COL28A1: variants seen among roughly 807,000 people sequenced by gnomAD.
COL28A1 encodes collagen alpha-1(XXVIII) chain.
A neutral mutation model predicts 150.2 loss-of-function variants in COL28A1; 161 were observed. The observed-to-expected ratio is 1.07, with a 90% CI of 0.94 to 1.22. COL28A1 has a LOEUF of 1.22. COL28A1 is among the 50% of genes most tolerant of loss of function. The probability of loss-of-function intolerance (pLI) is 0.00; values close to 1 mark genes in which losing one functional copy is unlikely to be tolerated. For missense variants in COL28A1, 1,617 were observed against 1,388.3 expected (o/e 1.16, Z -2.62); for synonymous variants, 552 against 469.7 (o/e 1.18, Z -2.26).
chr7:7,528,495 T>C (rs1782155029), intron 3 of COL28A1, among the ~76,000 whole-genome samples: 1 of 152,206 alleles, frequency 6.6e-6, no homozygotes, highest in African/African-American at 2.4e-5. Context: ...TTGTCTTTGC[T>C]CCTGAAGAAT....
intron 13 of COL28A1, 58 bp downstream of exon 13, chr7:7,489,331 A>G (rs898430202): frequency 1.2e-6 from 1 of 863,054 alleles, no homozygotes; most frequent in Non-Finnish European, 2.0e-6. Context: ...CTAAACAGAA[A>G]GAACAAGTAA....
intron 18 of COL28A1, among the ~76,000 whole-genome samples, chr7:7,446,819 T>C (rs1432876902): frequency 1.3e-5 from 2 of 152,146 alleles, no homozygotes; most frequent in Non-Finnish European, 2.9e-5. Flanking sequence ...GAGACAAACA[T>C]GCATCTGGGT....
intron 8 of COL28A1, chr7:7,511,607 A>G: frequency 3.1e-6 from 1 of 321,890 alleles, no homozygotes; most frequent in Non-Finnish European, 6.4e-6. Context: ...TTAACTTGGA[A>G]TTCCTATTTT....
At chr7:7,521,838 T>C in intron 5 of COL28A1, 67 bp downstream of exon 5, 1 of 839,764 alleles carries the variant, frequency 1.2e-6, no homozygotes, top group Admixed American at 1.7e-5. Context: ...CCCGATGTTT[T>C]CAAGAGCGAG....
At chr7:7,344,306 A>AT in the COL28A1 span, among the ~76,000 whole-genome samples, 4 of 151,046 alleles carry the variant, frequency 2.6e-5, no homozygotes, top group East Asian at 2.0e-4. Context: ...GTTTTTGTTC[A>AT]TTTTTTTTCT....
intron 19 of COL28A1, among the ~76,000 whole-genome samples, chr7:7,443,986 G>GTTTTTTTTTTTTTTT (rs71010980): frequency 1.6e-4 from 15 of 95,546 alleles, no homozygotes; most frequent in Middle Eastern, 6.8e-3. Flanking sequence ...TCCATCTGCT[G>GTTTTTTTTTTTTTTT]TTTTTTTTTT....
chr7:7,529,721 T>C (rs1301550583), intron 3 of COL28A1, among the ~76,000 whole-genome samples: 1 of 152,194 alleles, frequency 6.6e-6, no homozygotes, highest in Non-Finnish European at 1.5e-5. Context: ...TCAGCTCTTA[T>C]CCATCTTAAG....
At chr7:7,477,808 C>A (rs1789038685) in intron 13 of COL28A1, among the ~76,000 whole-genome samples, 1 of 152,262 alleles carries the variant, frequency 6.6e-6, no homozygotes, top group East Asian at 1.9e-4. Flanking sequence ...CTGGCTAGGG[C>A]AGCCTGCTTT....
the COL28A1 span, among the ~76,000 whole-genome samples, chr7:7,349,326 C>G: frequency 1.3e-5 from 2 of 152,056 alleles, no homozygotes; most frequent in Non-Finnish European, 2.9e-5. Flanking sequence ...TGAGGTTTTC[C>G]AGTCTGGCTG....
downstream of COL28A1, among the ~76,000 whole-genome samples, chr7:7,352,699 T>C (rs1439369909): frequency 6.6e-6 from 1 of 152,222 alleles, no homozygotes; most frequent in Non-Finnish European, 1.5e-5. Flanking sequence ...GACACTTTGA[T>C]TTTAGCCCAG....
In COL28A1 at chr7:7,532,748, T is replaced by TA. The variant is rs974111856; in HGVS notation, c.124+3_124+4insT. 3 of 1,590,554 alleles carry TA rather than the reference T, an allele frequency of 1.9e-6. No homozygotes were observed. The highest frequency in any genetic ancestry group is 2.6e-6 in the Non-Finnish European group (3 of 1,174,260). On this transcript the variant is annotated splice_donor_region_variant and intron_variant, in intron 2 of 34. Transcript: ENST00000399429. ...TTAAAAACAAACAATTTTTTTTTTT[T>TA]TACCCTGGACATCACTTTTCCTTGC...
At chr7:7,381,138 C>T (rs888890702) in intron 28 of COL28A1, among the ~76,000 whole-genome samples, 2 of 152,140 alleles carry the variant, frequency 1.3e-5, no homozygotes, top group African/African-American at 4.8e-5. Context: ...ACAATTATTA[C>T]ACAATTTACC....
At chr7:7,454,118 GTTGT>G (rs1786944385) in intron 16 of COL28A1, among the ~76,000 whole-genome samples, 1 of 152,242 alleles carries the variant, frequency 6.6e-6, no homozygotes, top group Admixed American at 6.5e-5. Flanking sequence ...TGTATATGTG[GTTGT>G]TTATTTTTCA....
chr7:7,489,558 TA>T, intron 12 of COL28A1, 101 bp from the exon 13 acceptor site: 1 of 750,308 alleles, frequency 1.3e-6, no homozygotes, highest in Non-Finnish European at 2.3e-6. Flanking sequence ...AATAGCGAAA[TA>T]GACAAAATGT....
rs1015393794 is a variant in COL28A1 at position 7,462,871 on chromosome 7, AAAAAGAAAAAAG to A, written c.1303-6771_1303-6760del. ...AGCAAAACTCCATCTCAAAAAAAAA[AAAAAGAAAAAAG>A]AAAGAAATGCAAAATGCTCTGGAAG... On this transcript the variant is annotated intron_variant, in intron 15 of 34. Coordinates refer to ENST00000399429, the MANE Select transcript of COL28A1 (RefSeq NM_001037763.3). Among the ~76,000 whole-genome samples, 140 of 150,910 alleles carry A rather than the reference AAAAAGAAAAAAG, an allele frequency of 9.3e-4. 2 individuals are homozygous for A. In the East Asian group the frequency reaches 0.022, roughly 23 times the overall value.
intron 15 of COL28A1, among the ~76,000 whole-genome samples, chr7:7,462,559 C>T (rs1007888282): frequency 2.0e-4 from 30 of 152,208 alleles, no homozygotes; most frequent in African/African-American, 7.0e-4. Context: ...GAAACATGGA[C>T]ACACTTACAG....
At chr7:7,387,115 A>G (rs1277802748) in intron 27 of COL28A1, among the ~76,000 whole-genome samples, 1 of 152,078 alleles carries the variant, frequency 6.6e-6, no homozygotes, top group Non-Finnish European at 1.5e-5. Context: ...TTAAAATTTC[A>G]ACATATGAAT....
At position 7,373,403 on chromosome 7, in the gene COL28A1, C is replaced by T; in HGVS notation, c.2503G>A (p.Ala835Thr). The T allele has an allele frequency of 6.2e-7, 1 of 1,614,130 alleles. No individual in the cohort carries two copies. Among genetic ancestry groups the T allele is most frequent in the African/African-American group, 1.3e-5 (1 of 75,006 alleles). Residue 835 changes from alanine to threonine, a missense_variant, in exon 32 of 35, where the codon GCC becomes ACC. Transcript: ENST00000399429. The surrounding 1 kb of genome is among the most constrained non-coding windows in gnomAD (Gnocchi z 4.1). ...CTATAGTTGATTATGCCTATGCGGG[C>T]CGTGGCAAGGTCCAGAGCAACCCGG... is the stretch of plus-strand genomic sequence containing the variant. Reference protein sequence around the residue: ...ADRVALDLATARIGIINYSHK... With the variant: ...ADRVALDLATTRIGIINYSHK...
chr7:7,389,526 C>T (rs1782405984), intron 27 of COL28A1, among the ~76,000 whole-genome samples: 1 of 152,124 alleles, frequency 6.6e-6, no homozygotes, highest in Non-Finnish European at 1.5e-5. Context: ...TTTTCTAAAT[C>T]TGTGATGGAA....
Sources: allele counts gnomAD v4.1 joint callset (sites outside exome capture counted in the v4.1 genomes callset), GRCh38; gene constraint gnomAD v4.1.1; non-coding constraint Gnocchi (gnomAD v3.1); transcripts MANE v1.5; gene names NCBI Gene and HGNC (gene_info 2026-07-23, HGNC 2026-07-21).